The following ICA1 variants were observed in gnomAD, a reference collection of about 807,000 sequenced individuals.
The protein encoded by ICA1 is 69 kDa islet cell autoantigen.
A neutral mutation model predicts 71.0 loss-of-function variants in ICA1; 40 were observed. The observed-to-expected ratio is 0.56, with a 90% CI of 0.44 to 0.73. ICA1 has a LOEUF of 0.73. Ranked by LOEUF, ICA1 falls within the 30% of genes least tolerant of loss-of-function variation. ICA1 has a pLI of 0.00. For missense variants in ICA1, 578 were observed against 576.5 expected (o/e 1.00, Z -0.03); for synonymous variants, 207 against 209.5 (o/e 0.99, Z 0.10).
intron 3 of ICA1, among the ~76,000 whole-genome samples, chr7:8,231,856 A>G (rs1800380088): frequency 6.6e-6 from 1 of 152,152 alleles, no homozygotes; most frequent in African/African-American, 2.4e-5. Flanking sequence ...CACTCCGAAA[A>G]CTTTTTGAAA....
intron 8 of ICA1, among the ~76,000 whole-genome samples, chr7:8,152,690 T>C (rs1317130679): frequency 6.5e-5 from 6 of 92,018 alleles, no homozygotes; most frequent in African/African-American, 1.2e-4. Flanking sequence ...TCATCACCAC[T>C]ACCCCCACCA....
At chr7:8,152,791 TCACCTCCA>T (rs1799765749) in intron 8 of ICA1, among the ~76,000 whole-genome samples, 1 of 23,324 alleles carries the variant, frequency 4.3e-5, no homozygotes. Flanking sequence ...ACCATCACCA[TCACCTCCA>T]CCACCACCAC....
intron 13 of ICA1, chr7:8,116,224 G>T (rs1272639575): frequency 6.6e-6 from 1 of 152,224 alleles, no homozygotes; most frequent in Non-Finnish European, 1.5e-5. Context: ...GAGACAAAAT[G>T]CTGTTATTAC....
chr7:8,172,076 G>A (rs934279475), intron 6 of ICA1, among the ~76,000 whole-genome samples: 5 of 152,006 alleles, frequency 3.3e-5, no homozygotes, highest in Non-Finnish European at 7.4e-5. Context: ...CATATACTGT[G>A]ATGTTGAATG....
intron 1 of ICA1, among the ~76,000 whole-genome samples, chr7:8,261,516 C>T (rs1039946882): frequency 2.0e-5 from 3 of 152,154 alleles, no homozygotes; most frequent in African/African-American, 7.2e-5. Context: ...TGCTGAGCAC[C>T]TCGCCCCCGG....
At chr7:8,213,489 G>C (rs1794478028) in intron 6 of ICA1, among the ~76,000 whole-genome samples, 1 of 152,134 alleles carries the variant, frequency 6.6e-6, no homozygotes, top group African/African-American at 2.4e-5. Context: ...GAGCTGAATG[G>C]CCCAGGCAGA....
At chr7:8,218,127 T>A (rs1583373662) in intron 6 of ICA1, among the ~76,000 whole-genome samples, 178 bp downstream of exon 6, 1 of 152,226 alleles carries the variant, frequency 6.6e-6, no homozygotes, top group Admixed American at 6.5e-5. Context: ...TTCTATCTTA[T>A]CCTTTAGAGA....
At chr7:8,164,177 G>C (rs895268213) in intron 6 of ICA1, among the ~76,000 whole-genome samples, 27 of 151,930 alleles carry the variant, frequency 1.8e-4, no homozygotes, top group African/African-American at 6.5e-4. Context: ...GGTGGTACAC[G>C]CCTGTAATCC....
At position 8,158,566 on chromosome 7, in the gene ICA1, G is replaced by C. The variant is rs374891501; in HGVS notation, c.666C>G (p.Ser222Arg). The C allele has an allele frequency of 3.7e-6, 6 of 1,613,970 alleles. No homozygotes were observed. Among genetic ancestry groups the C allele is most frequent in the Non-Finnish European group, 5.1e-6 (6 of 1,179,982 alleles). The change falls in exon 7 of 14, where the codon AGC becomes AGG. Residue 222 changes from serine (S) to arginine (R), a missense_variant. Coordinates refer to ENST00000402384, the MANE Select transcript of ICA1 (RefSeq NM_001136020.3). ...GCATGTGAGACAAGAGATTGCATCTGCTCGCTCCAAGAAGATCCACTTTTT... is the reference window on the plus strand; with the variant it reads ...GCATGTGAGACAAGAGATTGCATCTCCTCGCTCCAAGAAGATCCACTTTTT... ...VCQKVDLLGA[S>R]RCNLLSHMLA...
intron 1 of ICA1, among the ~76,000 whole-genome samples, chr7:8,247,209 T>G (rs1806365331): frequency 6.6e-6 from 1 of 151,870 alleles, no homozygotes; most frequent in African/African-American, 2.4e-5. Context: ...CCCAGAACTT[T>G]GGGAGGCCAA....
rs190686898 is a variant in ICA1, at chr7:8,236,541, A to C, written c.-79-536T>G. 5.7e-3 allele frequency among the ~76,000 whole-genome samples: 865 copies of C among 152,354 alleles called. 22 individuals carry two copies. Among genetic ancestry groups the C allele is most frequent in the Admixed American group, 0.047 (715 of 15,306 alleles). On this transcript the variant is annotated intron_variant, in intron 1 of 13. Coordinates refer to ENST00000402384, the MANE Select transcript of ICA1 (RefSeq NM_001136020.3). ...AAATATTTTATAATCAACATTTTTA[A>C]AGAAACAAACCAGCACATTGCAAAA...
In ICA1 at chr7:8,236,120, C is replaced by T. The variant is rs1032365561; in HGVS notation, c.-79-115G>A. On this transcript the variant is annotated intron_variant, in intron 1 of 13. Transcript: ENST00000402384. ...TTTCTAGCTGTATTTTAGGGTCTAA[C>T]ACTGTTACACAGTAATGCTGCACAC... 32 of 574,738 alleles carry T rather than the reference C, an allele frequency of 5.6e-5. 1 individual carries two copies. In the South Asian group the frequency reaches 7.3e-4, roughly 13 times the overall value. The allele number at this position is 574,738 out of a possible 1,614,324, so 35.6% of individuals were successfully genotyped here.
chr7:8,133,055 C>G (rs1792067944), intron 12 of ICA1, among the ~76,000 whole-genome samples: 1 of 152,122 alleles, frequency 6.6e-6, no homozygotes, highest in Non-Finnish European at 1.5e-5. Context: ...GAGGGCTCTG[C>G]CCTCACAAAT....
In ICA1 at chr7:8,123,750, C is replaced by T. The variant is rs1466152947; in HGVS notation, c.1330+4123G>A. On this transcript the variant is annotated intron_variant, in intron 13 of 13. Transcript: ENST00000402384. The surrounding 1 kb of genome is among the most constrained non-coding windows in gnomAD (Gnocchi z 4.1). ...GTCATTACAAGTCCTGCCCCTCTGA[C>T]GGCTTCCTAAGAGAGGTCTGAAGAG... is the stretch of plus-strand genomic sequence containing the variant. Among the ~76,000 whole-genome samples, 1 of 152,190 alleles carries T rather than the reference C, an allele frequency of 6.6e-6. No homozygotes were observed. Among genetic ancestry groups the T allele is most frequent in the Non-Finnish European group, 1.5e-5 (1 of 68,022 alleles).
chr7:8,154,035 A>C (rs1471515909), intron 8 of ICA1, among the ~76,000 whole-genome samples: 1 of 151,896 alleles, frequency 6.6e-6, no homozygotes, highest in Non-Finnish European at 1.5e-5. Context: ...CTATAAAGTT[A>C]AAATGCTACA....
chr7:8,227,759 A>G, intron 4 of ICA1: 1 of 408,884 alleles, frequency 2.4e-6, no homozygotes. Context: ...AAGTGTTTTT[A>G]TTTTTTGTAG....
intron 6 of ICA1, among the ~76,000 whole-genome samples, chr7:8,175,992 T>C (rs753485003): frequency 5.3e-5 from 8 of 152,212 alleles, no homozygotes; most frequent in South Asian, 2.1e-4. Context: ...TGAACACTTA[T>C]GGAGGGCCTC....
chr7:8,200,917 G>A (rs1789425823), intron 6 of ICA1, among the ~76,000 whole-genome samples: 2 of 152,220 alleles, frequency 1.3e-5, no homozygotes, highest in South Asian at 2.1e-4. Context: ...ACATATTCTG[G>A]ACTGAAGTGT....
chr7:8,216,043 G>C (rs906462139), intron 6 of ICA1, among the ~76,000 whole-genome samples: 1 of 152,198 alleles, frequency 6.6e-6, no homozygotes, highest in Admixed American at 6.5e-5. Context: ...ATTCTAAAGA[G>C]GGCAGCAAGC....
Sources: allele counts gnomAD v4.1 joint callset (sites outside exome capture counted in the v4.1 genomes callset), GRCh38; gene constraint gnomAD v4.1.1; non-coding constraint Gnocchi (gnomAD v3.1); transcripts MANE v1.5; gene names NCBI Gene and HGNC (gene_info 2026-07-23, HGNC 2026-07-21).